The following LRRTM4 variants were observed in gnomAD, a reference collection of about 807,000 sequenced individuals.
LRRTM4 encodes the protein leucine-rich repeat transmembrane neuronal protein 4.
Under a neutral mutation model 47.6 loss-of-function variants are expected in LRRTM4, and 25 were observed. The observed-to-expected ratio is 0.53, with a 90% confidence interval of 0.38 to 0.73. The LOEUF (loss-of-function observed/expected upper bound fraction) is 0.73, where lower values mean the gene tolerates loss of function less well. Ranked by LOEUF, LRRTM4 falls within the 30% of genes least tolerant of loss-of-function variation. The pLI is 0.00. For missense variants in LRRTM4, 638 were observed against 713.4 expected (o/e 0.89, Z 1.20); for synonymous variants, 311 against 269.5 (o/e 1.15, Z -1.51).
At chr2:76,866,086 G>A (rs903752303) in intron 3 of LRRTM4, among the ~76,000 whole-genome samples, 1 of 152,008 alleles carries the variant, frequency 6.6e-6, no homozygotes, top group African/African-American at 2.4e-5. Flanking sequence ...ATCTCTGAAT[G>A]TAAACAAAAT....
chr2:76,913,496 G>C (rs947430013), intron 3 of LRRTM4, among the ~76,000 whole-genome samples: 2 of 150,244 alleles, frequency 1.3e-5, no homozygotes, highest in African/African-American at 2.5e-5. Flanking sequence ...CTGCAAATAA[G>C]GATAAACTTT....
At chr2:76,794,482 T>C (rs375538788) in intron 3 of LRRTM4, among the ~76,000 whole-genome samples, 1 of 152,204 alleles carries the variant, frequency 6.6e-6, no homozygotes, top group Non-Finnish European at 1.5e-5. Context: ...CTTTCAAAAT[T>C]TCACTTATTA....
intron 3 of LRRTM4, among the ~76,000 whole-genome samples, chr2:77,284,081 A>T (rs1179545587): frequency 6.6e-6 from 1 of 152,068 alleles, no homozygotes; most frequent in Admixed American, 6.6e-5. Flanking sequence ...ACACTTTTAG[A>T]TCCCTTAGAC....
chr2:77,353,452 C>A lies in LRRTM4; in HGVS notation c.1551+164866G>T, dbSNP rs141575125. On this transcript the variant is annotated intron_variant, in intron 3 of 3. Transcript: ENST00000409884. ...AAATACTTTTCTATTGTATGGCTAACTCATAATACAAAAATCTATTACCTA... is the reference window on the plus strand; with the variant it reads ...AAATACTTTTCTATTGTATGGCTAAATCATAATACAAAAATCTATTACCTA... 2.9e-3 allele frequency among the ~76,000 whole-genome samples: 437 copies of A among 152,220 alleles called. 2 individuals are homozygous for A. Among genetic ancestry groups the A allele is most frequent in the African/African-American group, 0.01 (420 of 41,544 alleles).
chr2:76,810,968 TA>T (rs955867964), intron 3 of LRRTM4, among the ~76,000 whole-genome samples: 33 of 151,404 alleles, frequency 2.2e-4, no homozygotes, highest in Admixed American at 1.8e-3. Context: ...AACCACTGGT[TA>T]AAAAAAAAGT....
chr2:77,016,976 G>A (rs1030478725), intron 3 of LRRTM4, among the ~76,000 whole-genome samples: 3 of 151,662 alleles, frequency 2.0e-5, no homozygotes, highest in Non-Finnish European at 4.4e-5. Flanking sequence ...TTATTTCATA[G>A]TAGCAAGCTG....
intron 3 of LRRTM4, among the ~76,000 whole-genome samples, chr2:76,975,143 A>G (rs945081027): frequency 1.3e-5 from 2 of 151,790 alleles, no homozygotes; most frequent in East Asian, 3.9e-4. Flanking sequence ...GGGTCTATTT[A>G]TGAGTAAAGA....
chr2:76,971,856 A>T (rs1676231030), intron 3 of LRRTM4, among the ~76,000 whole-genome samples: 1 of 152,042 alleles, frequency 6.6e-6, no homozygotes, highest in African/African-American at 2.4e-5. Context: ...ACATAGAACA[A>T]CATCTATAAC....
chr2:77,153,321 T>C (rs1034002970), intron 3 of LRRTM4, among the ~76,000 whole-genome samples: 2 of 152,186 alleles, frequency 1.3e-5, no homozygotes, highest in African/African-American at 4.8e-5. Context: ...TGTAATACTT[T>C]GTCACATACT....
intron 3 of LRRTM4, chr2:77,517,248 C>A (rs1679245489): frequency 1.5e-5 from 15 of 984,270 alleles, no homozygotes; most frequent in Non-Finnish European, 1.8e-5. Flanking sequence ...GAAACCGGGT[C>A]CAAATTTATT....
chr2:77,485,724 G>A (rs1219981042), intron 3 of LRRTM4, among the ~76,000 whole-genome samples: 3 of 152,104 alleles, frequency 2.0e-5, no homozygotes, highest in African/African-American at 7.2e-5. Flanking sequence ...CAAAGGAGGG[G>A]ATGACACTAT....
At position 77,231,194 on chromosome 2, in the gene LRRTM4, A is replaced by C. The variant is rs546988121; in HGVS notation, c.1551+287124T>G. On this transcript the variant is annotated intron_variant, in intron 3 of 3. Coordinates refer to ENST00000409884, the MANE Select transcript of LRRTM4 (RefSeq NM_001134745.3). Reference sequence around the variant, plus strand: ...CCATGGCGTGAGGATAAACAGGCCCATGAAGTACACATGCACACACACACA... The same window carrying C: ...CCATGGCGTGAGGATAAACAGGCCCCTGAAGTACACATGCACACACACACA... Among the ~76,000 whole-genome samples the C allele has an allele frequency of 8.5e-5, 13 of 152,090 alleles. No homozygotes were observed. The East Asian group carries it at 2.5e-3, about 29-fold the overall frequency.
intron 3 of LRRTM4, among the ~76,000 whole-genome samples, chr2:77,052,384 G>C (rs1447912521): frequency 6.6e-6 from 1 of 151,708 alleles, no homozygotes; most frequent in Non-Finnish European, 1.5e-5. Context: ...TACCAGGCTG[G>C]TCTCGATCTC....
intron 3 of LRRTM4, among the ~76,000 whole-genome samples, chr2:77,280,127 A>G (rs1249871489): frequency 6.6e-6 from 1 of 152,044 alleles, no homozygotes; most frequent in Non-Finnish European, 1.5e-5. Flanking sequence ...CACATATGGG[A>G]ACAGAAGTCA....
chr2:77,501,707 A>G (rs1250438654), intron 3 of LRRTM4, among the ~76,000 whole-genome samples: 1 of 151,308 alleles, frequency 6.6e-6, no homozygotes, highest in Non-Finnish European at 1.5e-5. Context: ...CTGAACGGCA[A>G]GCTCTGAACG....
At chr2:76,799,577 A>C (rs1032986863) in intron 3 of LRRTM4, among the ~76,000 whole-genome samples, 9 of 142,080 alleles carry the variant, frequency 6.3e-5, no homozygotes, top group Admixed American at 6.3e-4. Context: ...CTCCTATTCA[A>C]CATAGTGTTG....
At chr2:77,041,984 C>G (rs1020639711) in intron 3 of LRRTM4, among the ~76,000 whole-genome samples, 2 of 149,256 alleles carry the variant, frequency 1.3e-5, no homozygotes, top group South Asian at 2.1e-4. Context: ...GGAGATGTTC[C>G]AAATTTAAAA....
intron 3 of LRRTM4, among the ~76,000 whole-genome samples, chr2:77,185,702 G>C (rs1673482787): frequency 6.6e-6 from 1 of 152,108 alleles, no homozygotes; most frequent in South Asian, 2.1e-4. Context: ...TTGCCCATAA[G>C]CCACATGCAT....
At chr2:77,398,327 G>A (rs555955388) in intron 3 of LRRTM4, among the ~76,000 whole-genome samples, 5 of 151,912 alleles carry the variant, frequency 3.3e-5, no homozygotes, top group South Asian at 4.1e-4. Flanking sequence ...GACCAGATAC[G>A]TTTAGGATTT....
Sources: allele counts gnomAD v4.1 joint callset (sites outside exome capture counted in the v4.1 genomes callset), GRCh38; gene constraint gnomAD v4.1.1; transcripts MANE v1.5; gene names NCBI Gene and HGNC (gene_info 2026-07-23, HGNC 2026-07-21).